The following LRP1B variants were observed in gnomAD, a reference collection of about 807,000 sequenced individuals.
LRP1B encodes the protein LDL receptor related protein 1B.
In LRP1B, 217 loss-of-function variants were observed where a neutral mutation model predicts 556.6. The ratio of observed to expected loss-of-function variants is 0.39; its 90% confidence interval spans 0.35 to 0.44. The LOEUF (loss-of-function observed/expected upper bound fraction) is 0.44, where lower values mean the gene tolerates loss of function less well. Ranked by LOEUF, LRP1B falls within the 20% of genes least tolerant of loss-of-function variation. LRP1B has a pLI of 1.00. For synonymous variants in LRP1B, 2,047 were observed against 1,865.8 expected (o/e 1.10, Z -2.50); for missense variants, 5,053 against 5,620.8 (o/e 0.90, Z 3.23).
intron 16 of LRP1B, 61 bp from the exon 17 acceptor site, chr2:140,989,718 G>A (rs1697032020): frequency 6.4e-7 from 1 of 1,551,948 alleles, no homozygotes; most frequent in Non-Finnish European, 8.9e-7. Flanking sequence ...TGAATATTTT[G>A]AATGATAGTT....
chr2:142,107,406 G>T (rs1706783617), intron 1 of LRP1B, among the ~76,000 whole-genome samples: 1 of 152,118 alleles, frequency 6.6e-6, no homozygotes, highest in Admixed American at 6.6e-5. Flanking sequence ...GTCCCCTTCT[G>T]TCCTTTTTCT....
At chr2:142,125,815 A>T (rs2105019607) in intron 1 of LRP1B, among the ~76,000 whole-genome samples, 1 of 151,842 alleles carries the variant, frequency 6.6e-6, no homozygotes, top group Admixed American at 6.6e-5. Flanking sequence ...TGATTAGCTA[A>T]TTTTCCCTAC....
At chr2:141,224,613 T>C (rs1683173768) in intron 6 of LRP1B, among the ~76,000 whole-genome samples, 1 of 152,276 alleles carries the variant, frequency 6.6e-6, no homozygotes, top group South Asian at 2.1e-4. Context: ...AAATGGTACA[T>C]ATATATCATG....
At chr2:140,784,376 C>CACACACACACACA (rs1689816913) in intron 32 of LRP1B, among the ~76,000 whole-genome samples, 1 of 126,574 alleles carries the variant, frequency 7.9e-6, no homozygotes, top group African/African-American at 2.9e-5. Flanking sequence ...GATTCTGCCT[C>CACACACACACACA]CACACACACA....
intron 79 of LRP1B, among the ~76,000 whole-genome samples, chr2:140,328,783 C>A (rs1284636900): frequency 6.6e-6 from 1 of 151,704 alleles, no homozygotes; most frequent in Non-Finnish European, 1.5e-5. Context: ...GTCATGTTTT[C>A]ATACACACAC....
rs112578638 is a variant in LRP1B, at chr2:140,544,398, C to T, written c.7195-2427G>A. ...ATTTGTATCACAGGGGTTCACTGTA[C>T]AGATTGTTTCATCCCTCAGGGATTT... is the stretch of plus-strand genomic sequence containing the variant. On this transcript the variant is annotated intron_variant, in intron 43 of 90. Coordinates refer to ENST00000389484, the MANE Select transcript of LRP1B (RefSeq NM_018557.3). Among the ~76,000 whole-genome samples the T allele has an allele frequency of 5.8e-3, 884 of 152,058 alleles. 8 individuals carry two copies. The highest frequency in any genetic ancestry group is 0.034 in the East Asian group (175 of 5,148).
At position 140,774,670 on chromosome 2, in the gene LRP1B, C is replaced by T. The variant is rs926540325; in HGVS notation, c.5500+1428G>A. Among the ~76,000 whole-genome samples, 8 of 151,990 alleles carry T rather than the reference C, an allele frequency of 5.3e-5. 1 individual carries two copies. In the South Asian group the frequency reaches 8.3e-4, roughly 16 times the overall value. Reference sequence around the variant, plus strand: ...TACAATAGTACTGTGAGTTTTTACACATAATTATATTCTATGGAAATCAGA... The same window carrying T: ...TACAATAGTACTGTGAGTTTTTACATATAATTATATTCTATGGAAATCAGA... On this transcript the variant is annotated intron_variant, in intron 33 of 90. Coordinates refer to ENST00000389484, the MANE Select transcript of LRP1B (RefSeq NM_018557.3).
At chr2:140,875,287 T>C (rs944933850) in intron 25 of LRP1B, among the ~76,000 whole-genome samples, 1 of 152,194 alleles carries the variant, frequency 6.6e-6, no homozygotes, top group African/African-American at 2.4e-5. Context: ...GGCATACTAA[T>C]GCAAGACCAG....
intron 66 of LRP1B, among the ~76,000 whole-genome samples, chr2:140,422,261 T>A (rs143642475): frequency 3.3e-5 from 5 of 152,258 alleles, no homozygotes; most frequent in Middle Eastern, 3.4e-3. Context: ...ACCGAAAATC[T>A]GGTAGAATGT....
intron 25 of LRP1B, among the ~76,000 whole-genome samples, chr2:140,878,643 G>A (rs1693380281): frequency 6.6e-6 from 1 of 151,970 alleles, no homozygotes; most frequent in African/African-American, 2.4e-5. Flanking sequence ...GAAAGAACAC[G>A]AAGATAGCAT....
chr2:140,986,955 C>T (rs1301926909), intron 17 of LRP1B, among the ~76,000 whole-genome samples: 1 of 152,102 alleles, frequency 6.6e-6, no homozygotes, highest in Non-Finnish European at 1.5e-5. Flanking sequence ...AAGTAACTTC[C>T]CATTGGAAAG....
chr2:140,485,842 CACAT>C (rs1273618104), intron 58 of LRP1B, among the ~76,000 whole-genome samples: 5 of 83,840 alleles, frequency 6.0e-5, no homozygotes, highest in African/African-American at 2.5e-4. Flanking sequence ...AATTCTCACG[CACAT>C]ACACACACAC....
chr2:142,064,606 A>T (rs1323521333), intron 1 of LRP1B, among the ~76,000 whole-genome samples: 1 of 151,478 alleles, frequency 6.6e-6, no homozygotes, highest in African/African-American at 2.4e-5. Context: ...CTTAAATGGT[A>T]TGATATTCTG....
chr2:140,241,419 T>G (rs1405135406), intron 87 of LRP1B, among the ~76,000 whole-genome samples: 1 of 150,876 alleles, frequency 6.6e-6, no homozygotes, highest in Non-Finnish European at 1.5e-5. Flanking sequence ...AATATAGTTT[T>G]AGGGTATATA....
chr2:140,517,803 C>T (rs1028247856), intron 49 of LRP1B, among the ~76,000 whole-genome samples: 11 of 150,832 alleles, frequency 7.3e-5, no homozygotes, highest in Middle Eastern at 3.4e-3. Flanking sequence ...CTCCGCCTCC[C>T]GGGTTCAAGT....
At chr2:140,390,768 T>TCACACACACACACA (rs70985096) in intron 66 of LRP1B, among the ~76,000 whole-genome samples, 19 of 143,784 alleles carry the variant, frequency 1.3e-4, no homozygotes, top group African/African-American at 4.6e-4. Context: ...AATAGAAACT[T>TCACACACACACACA]CACACACACA....
intron 1 of LRP1B, among the ~76,000 whole-genome samples, chr2:142,021,480 A>C (rs1318700912): frequency 6.6e-6 from 1 of 152,156 alleles, no homozygotes; most frequent in African/African-American, 2.4e-5. Flanking sequence ...TTAGTATTTT[A>C]AATATTGATG....
intron 1 of LRP1B, among the ~76,000 whole-genome samples, chr2:141,844,644 T>TA (rs757544238): frequency 6.6e-6 from 1 of 152,034 alleles, no homozygotes; most frequent in Non-Finnish European, 1.5e-5. Context: ...ATGGGCATGA[T>TA]AAAAAGAAGA....
chr2:141,248,532 T>C (rs1219558466), intron 4 of LRP1B, among the ~76,000 whole-genome samples: 2 of 152,060 alleles, frequency 1.3e-5, no homozygotes, highest in African/African-American at 4.8e-5. Flanking sequence ...TTCATCAAAA[T>C]GGCATGCGAA....
Sources: allele counts gnomAD v4.1 joint callset (sites outside exome capture counted in the v4.1 genomes callset), GRCh38; gene constraint gnomAD v4.1.1; transcripts MANE v1.5; gene names NCBI Gene and HGNC (gene_info 2026-07-23, HGNC 2026-07-21).